The following ACTR3C variants were observed in gnomAD, a reference collection of about 807,000 sequenced individuals.
ACTR3C encodes the protein actin related protein 3C.
A neutral mutation model predicts 26.3 loss-of-function variants in ACTR3C; 18 were observed. The ratio of observed to expected loss-of-function variants is 0.68; its 90% CI spans 0.47 to 1.01. The LOEUF (loss-of-function observed/expected upper bound fraction) is 1.01. ACTR3C is among the 50% of genes least tolerant of loss of function. The probability of loss-of-function intolerance (pLI) is 0.00; values close to 1 mark genes in which losing one functional copy is unlikely to be tolerated. For missense variants in ACTR3C, 184 were observed against 250.7 expected (o/e 0.73, Z 1.80); for synonymous variants, 55 against 94.5 (o/e 0.58, Z 2.42).
chr7:149,961,937 CAG>C, the ACTR3C span, among the ~76,000 whole-genome samples: 8 of 151,920 alleles, frequency 5.3e-5, no homozygotes, highest in Non-Finnish European at 1.2e-4. Flanking sequence ...GAAGTATACA[CAG>C]AGGAAGTATG....
At chr7:150,026,952 T>C in the ACTR3C span, among the ~76,000 whole-genome samples, 1 of 152,088 alleles carries the variant, frequency 6.6e-6, no homozygotes, top group Non-Finnish European at 1.5e-5. Flanking sequence ...GAGAAATAAA[T>C]GCATTTATTT....
intron 6 of ACTR3C, among the ~76,000 whole-genome samples, chr7:150,257,791 G>A (rs957637336): frequency 1.3e-4 from 20 of 152,168 alleles, no homozygotes; most frequent in African/African-American, 4.8e-4. Flanking sequence ...CATAGTCCAA[G>A]AGAAGGAGCA....
At chr7:149,984,424 G>A in the ACTR3C span, among the ~76,000 whole-genome samples, 8 of 151,858 alleles carry the variant, frequency 5.3e-5, no homozygotes, top group African/African-American at 1.5e-4. Context: ...GGCTGGTCTC[G>A]AACTTCTGGC....
the ACTR3C span, among the ~76,000 whole-genome samples, chr7:149,917,233 G>C: frequency 1.3e-5 from 2 of 152,058 alleles, no homozygotes; most frequent in African/African-American, 4.8e-5. Context: ...GCGCCACTAC[G>C]CCCAGCTAAT....
chr7:150,097,329 G>T, the ACTR3C span, among the ~76,000 whole-genome samples: 1 of 151,668 alleles, frequency 6.6e-6, no homozygotes, highest in African/African-American at 2.4e-5. Context: ...AACATACTCA[G>T]TGTCTACACA....
chr7:150,023,747 G>A, the ACTR3C span, among the ~76,000 whole-genome samples: 35 of 148,682 alleles, frequency 2.4e-4, no homozygotes, highest in South Asian at 2.4e-3. Flanking sequence ...TATTAATCGC[G>A]ATGAGTACTG....
At chr7:150,198,856 G>A in the ACTR3C span, among the ~76,000 whole-genome samples, 249 of 147,128 alleles carry the variant, frequency 1.7e-3, 5 homozygotes, top group Middle Eastern at 0.011. Context: ...GGTGAGGGGC[G>A]CCTCTGCCTG....
chr7:150,226,321 G>C, the ACTR3C span, among the ~76,000 whole-genome samples: 1 of 152,040 alleles, frequency 6.6e-6, no homozygotes. Flanking sequence ...CATAAACAAT[G>C]AGTGATTGCT....
In ACTR3C at chr7:150,255,465, C is replaced by T. The variant is rs186105759; in HGVS notation, c.565-6411G>A. 8.3e-3 allele frequency among the ~76,000 whole-genome samples: 1,260 copies of T among 152,128 alleles called. 10 individuals carry two copies. Among genetic ancestry groups the T allele is most frequent in the Admixed American group, 0.016 (237 of 15,286 alleles). On this transcript the variant is annotated intron_variant, in intron 6 of 7. Coordinates refer to ENST00000683684, the MANE Select transcript of ACTR3C (RefSeq NM_001164458.2). ...GTGGGGACTGCTGTGTATACCTGGACTCAATACACTTACCTAGTCAGATGA... is the reference window on the plus strand; with the variant it reads ...GTGGGGACTGCTGTGTATACCTGGATTCAATACACTTACCTAGTCAGATGA...
the ACTR3C span, among the ~76,000 whole-genome samples, chr7:149,992,260 A>T: frequency 6.6e-6 from 1 of 152,276 alleles, no homozygotes; most frequent in South Asian, 2.1e-4. Flanking sequence ...ACACGGTAGC[A>T]GACTGTTTTG....
At chr7:150,137,661 G>A in the ACTR3C span, among the ~76,000 whole-genome samples, 8 of 150,490 alleles carry the variant, frequency 5.3e-5, no homozygotes, top group East Asian at 1.9e-4. Flanking sequence ...AGTACAAACC[G>A]TTTAGAGAAT....
the ACTR3C span, among the ~76,000 whole-genome samples, chr7:150,136,050 A>G: frequency 1.3e-5 from 2 of 151,998 alleles, no homozygotes; most frequent in African/African-American, 4.8e-5. Context: ...CAAGCAGCCT[A>G]CTGTTCCTGG....
chr7:150,277,442 T>C (rs1445162020), intron 6 of ACTR3C, among the ~76,000 whole-genome samples: 11 of 152,226 alleles, frequency 7.2e-5, no homozygotes, highest in Non-Finnish European at 1.6e-4. Context: ...GCTAAGGCCG[T>C]CTTGTCCTCA....
At chr7:150,303,196 A>G (rs1795562217) in intron 1 of ACTR3C, among the ~76,000 whole-genome samples, 1 of 152,238 alleles carries the variant, frequency 6.6e-6, no homozygotes, top group African/African-American at 2.4e-5. Flanking sequence ...GGTTGCCAGG[A>G]AAGCTCCTTA....
At chr7:150,055,633 A>C in the ACTR3C span, among the ~76,000 whole-genome samples, 1 of 152,162 alleles carries the variant, frequency 6.6e-6, no homozygotes, top group Non-Finnish European at 1.5e-5. Context: ...AGAAGGTAGA[A>C]ATCAAAAGGG....
intron 6 of ACTR3C, among the ~76,000 whole-genome samples, chr7:150,267,217 G>A (rs1269297711): frequency 1.3e-5 from 2 of 152,194 alleles, no homozygotes; most frequent in Non-Finnish European, 1.5e-5. Flanking sequence ...GAGAACACGC[G>A]GAGCACTCCA....
chr7:150,138,804 G>A, the ACTR3C span, among the ~76,000 whole-genome samples: 14 of 152,408 alleles, frequency 9.2e-5, 1 homozygote, highest in South Asian at 1.9e-3. Context: ...GCTCCCCATC[G>A]CTCGCATTAC....
chr7:150,227,871 A>C, the ACTR3C span, among the ~76,000 whole-genome samples: 2 of 151,702 alleles, frequency 1.3e-5, no homozygotes, highest in Non-Finnish European at 2.9e-5. Flanking sequence ...TATTCTTTTA[A>C]ATATATGCTG....
At chr7:149,980,751 A>G in the ACTR3C span, among the ~76,000 whole-genome samples, 1 of 152,268 alleles carries the variant, frequency 6.6e-6, no homozygotes, top group Non-Finnish European at 1.5e-5. Flanking sequence ...CACACCATAT[A>G]TAAATATGAT....
Sources: gnomAD v4.1 joint callset for allele counts (sites outside exome capture counted in the v4.1 genomes callset) on GRCh38, gnomAD v4.1.1 for gene constraint, MANE v1.5 for transcripts, NCBI Gene and HGNC (gene_info 2026-07-23, HGNC 2026-07-21) for gene names.